The following GSK3B variants were observed in gnomAD, a reference collection of about 807,000 sequenced individuals.
GSK3B encodes glycogen synthase kinase 3 beta, also known as glycogen synthase kinase-3 beta.
A neutral mutation model predicts 56.4 loss-of-function variants in GSK3B; 15 were observed. The observed-to-expected ratio is 0.27, with a 90% CI of 0.18 to 0.41. The LOEUF is 0.41. GSK3B is among the 10% of genes least tolerant of loss of function. The pLI is 1.00. For missense variants in GSK3B, 300 were observed against 513.4 expected (o/e 0.58, Z 4.02); for synonymous variants, 181 against 188.9 (o/e 0.96, Z 0.34).
intron 2 of GSK3B, among the ~76,000 whole-genome samples, chr3:119,959,348 T>C (rs1241444474): frequency 6.6e-6 from 1 of 152,108 alleles, no homozygotes; most frequent in East Asian, 1.9e-4. Context: ...AATTTTTCTG[T>C]GTCTAATATA....
chr3:119,862,849 C>T (rs555884634), intron 9 of GSK3B, among the ~76,000 whole-genome samples: 2 of 152,222 alleles, frequency 1.3e-5, no homozygotes, highest in South Asian at 2.1e-4. Context: ...CTCCCAGAAA[C>T]CACAATGCAC....
chr3:119,969,972 A>G (rs1191017223), intron 2 of GSK3B, among the ~76,000 whole-genome samples: 2 of 152,168 alleles, frequency 1.3e-5, no homozygotes, highest in African/African-American at 4.8e-5. Flanking sequence ...CATACTGAAC[A>G]TGTTACCTGC....
At chr3:119,912,850 T>A in intron 5 of GSK3B, 40 bp from the exon 6 acceptor site, 1 of 1,037,108 alleles carries the variant, frequency 9.6e-7, no homozygotes, top group Non-Finnish European at 1.5e-6. Flanking sequence ...AGAAATTCTT[T>A]AAATCTAAAC....
At chr3:119,901,580 T>C (rs2056625481) in intron 7 of GSK3B, among the ~76,000 whole-genome samples, 1 of 152,218 alleles carries the variant, frequency 6.6e-6, no homozygotes, top group Non-Finnish European at 1.5e-5. Context: ...TAAACTGTTT[T>C]ACTCATGCTG....
At chr3:119,928,385 C>G (rs548875143) in intron 3 of GSK3B, among the ~76,000 whole-genome samples, 1 of 151,980 alleles carries the variant, frequency 6.6e-6, no homozygotes, top group South Asian at 2.1e-4. Context: ...GCGGGCGGAT[C>G]ATGAGGTCAG....
chr3:119,957,248 G>C (rs2057223109), intron 2 of GSK3B, among the ~76,000 whole-genome samples: 1 of 152,106 alleles, frequency 6.6e-6, no homozygotes, highest in African/African-American at 2.4e-5. Flanking sequence ...ATAACATACT[G>C]CCTAGGTAGG....
At chr3:119,984,795 T>C (rs1335335641) in intron 2 of GSK3B, among the ~76,000 whole-genome samples, 1 of 152,176 alleles carries the variant, frequency 6.6e-6, no homozygotes, top group African/African-American at 2.4e-5. Flanking sequence ...TCTGAAACTA[T>C]TTCAATCAAT....
intron 6 of GSK3B, 107 bp from the exon 7 acceptor site, chr3:119,905,959 GA>G: frequency 1.4e-6 from 1 of 714,180 alleles, no homozygotes; most frequent in Non-Finnish European, 2.5e-6. Flanking sequence ...AATATCACAG[GA>G]AAAGATTATA....
Position 120,093,368 on chromosome 3 carries a change from A to T in GSK3B, c.67T>A (p.Phe23Ile). The change falls in exon 1 of 11, where the codon TTT becomes ATT. Residue 23 changes from phenylalanine to isoleucine, a missense_variant. This residue lies in a region of GSK3B where 53 missense variants were observed against 64.6 expected (regional missense o/e 0.82). Coordinates refer to ENST00000264235, the MANE Select transcript of GSK3B (RefSeq NM_001146156.2). ...TCACTGCTAACTTTCATGCTGCCAA[A>T]AGCTGAAGGCTGCTGCACCGGCTTG... ...SCKPVQQPSA[F>I]GSMKVSRDKD... is the part of the protein sequence containing the mutation. The T allele has an allele frequency of 1.2e-6, 2 of 1,613,384 alleles. No individual in the cohort carries two copies. The highest frequency in any genetic ancestry group is 1.7e-6 in the Non-Finnish European group (2 of 1,179,332).
intron 1 of GSK3B, among the ~76,000 whole-genome samples, chr3:120,019,157 AAATATATTTTCTTAATAATAGTTT>A (rs1338948779): frequency 1.3e-5 from 2 of 152,222 alleles, no homozygotes; most frequent in Non-Finnish European, 2.9e-5. Flanking sequence ...TACATTCAAA[AAATATATTTTCTTAATAATAGTTT>A]AATACATCAA....
chr3:120,033,788 G>A (rs371899742), intron 1 of GSK3B, among the ~76,000 whole-genome samples: 12 of 150,756 alleles, frequency 8.0e-5, no homozygotes, highest in East Asian at 7.8e-4. Context: ...TTGCTCGCTC[G>A]CTCTCTCTCT....
chr3:119,982,108 G>C (rs1273819643), intron 2 of GSK3B, among the ~76,000 whole-genome samples: 2 of 152,190 alleles, frequency 1.3e-5, no homozygotes, highest in Non-Finnish European at 2.9e-5. Context: ...AACTCCAACA[G>C]ACCTGCAGCT....
In GSK3B at chr3:119,827,799, G is replaced by C. The variant is rs59896899; in HGVS notation, c.1196-944C>G. Among the ~76,000 whole-genome samples, 338 of 151,888 alleles carry C rather than the reference G, an allele frequency of 2.2e-3. 1 individual carries two copies. Among genetic ancestry groups the C allele is most frequent in the African/African-American group, 7.8e-3 (321 of 41,390 alleles). On this transcript the variant is annotated intron_variant, in intron 10 of 10. Transcript: ENST00000264235. ...TAAAACAACTGAACTCACGGAGTTAGAGAGAAGGATTGTTACCAGAGGTTG... is the reference window on the plus strand; with the variant it reads ...TAAAACAACTGAACTCACGGAGTTACAGAGAAGGATTGTTACCAGAGGTTG...
intron 3 of GSK3B, among the ~76,000 whole-genome samples, chr3:119,937,277 C>T (rs556381023): frequency 6.6e-6 from 1 of 152,172 alleles, no homozygotes; most frequent in African/African-American, 2.4e-5. Context: ...GTGGATCCCT[C>T]ATGAATGGAA....
At chr3:119,945,818 C>G (rs1032861203) in intron 3 of GSK3B, among the ~76,000 whole-genome samples, 1 of 151,578 alleles carries the variant, frequency 6.6e-6, no homozygotes, top group African/African-American at 2.4e-5. Flanking sequence ...GTTTATGGAA[C>G]AAATAATTCT....
intron 10 of GSK3B, among the ~76,000 whole-genome samples, chr3:119,837,572 T>C (rs1247041378): frequency 6.6e-6 from 1 of 152,062 alleles, no homozygotes; most frequent in Non-Finnish European, 1.5e-5. Flanking sequence ...TCTCGGTAGA[T>C]AATGAAAGGT....
At chr3:120,010,899 C>T (rs1017942067) in intron 1 of GSK3B, among the ~76,000 whole-genome samples, 1 of 152,202 alleles carries the variant, frequency 6.6e-6, no homozygotes. Context: ...AAAACATTGT[C>T]TCTACTAAAA....
intron 1 of GSK3B, among the ~76,000 whole-genome samples, chr3:120,010,756 CTAAATAAA>C (rs575769812): frequency 5.3e-5 from 8 of 151,726 alleles, no homozygotes; most frequent in South Asian, 2.1e-4. Context: ...GACCCTGTCT[CTAAATAAA>C]TAAATAAATA....
chr3:119,977,038 C>A lies in GSK3B; in HGVS notation c.282+25008G>T, dbSNP rs893651500. The stretch of plus-strand genomic sequence containing the variant: ...ATTCAAGTCCACAAATATCAAATAT[C>A]GTGCCTCCATTTTTTCTCAGTGGAA... On this transcript the variant is annotated intron_variant, in intron 2 of 10. Coordinates refer to ENST00000264235, the MANE Select transcript of GSK3B (RefSeq NM_001146156.2). Among the ~76,000 whole-genome samples the A allele has an allele frequency of 2.0e-5, 3 of 152,014 alleles. No homozygotes were observed. In the East Asian group the frequency reaches 5.8e-4, roughly 29 times the overall value.
Sources: allele counts gnomAD v4.1 joint callset (sites outside exome capture counted in the v4.1 genomes callset), GRCh38; gene constraint gnomAD v4.1.1; regional missense constraint gnomAD v4.1.1; transcripts MANE v1.5; gene names NCBI Gene and HGNC (gene_info 2026-07-23, HGNC 2026-07-21).